The following PIP5K1B variants were observed in gnomAD, a reference collection of about 807,000 sequenced individuals.
PIP5K1B encodes phosphatidylinositol-4-phosphate 5-kinase type 1 beta.
In PIP5K1B, 42 loss-of-function variants were observed where a neutral mutation model predicts 67.0. The observed-to-expected ratio is 0.63, with a 90% confidence interval of 0.49 to 0.81. The LOEUF (loss-of-function observed/expected upper bound fraction) is 0.81, where lower values mean the gene tolerates loss of function less well. PIP5K1B is among the 30% of genes least tolerant of loss of function. The pLI is 0.00. For synonymous variants in PIP5K1B, 214 were observed against 231.4 expected (o/e 0.92, Z 0.68); for missense variants, 459 against 646.3 (o/e 0.71, Z 3.14).
chr9:68,892,054 A>G (rs1284749964), intron 7 of PIP5K1B, among the ~76,000 whole-genome samples: 2 of 152,202 alleles, frequency 1.3e-5, no homozygotes. Context: ...CAAGACCAAT[A>G]TGAAGGAAAC....
intron 2 of PIP5K1B, among the ~76,000 whole-genome samples, chr9:68,809,720 C>T (rs1045478373): frequency 1.3e-5 from 2 of 152,184 alleles, no homozygotes; most frequent in Non-Finnish European, 2.9e-5. Flanking sequence ...TAGCTCTCAA[C>T]CTTATGTCCC....
intron 2 of PIP5K1B, among the ~76,000 whole-genome samples, chr9:68,799,027 G>C (rs1016635041): frequency 5.3e-5 from 8 of 152,230 alleles, no homozygotes; most frequent in Non-Finnish European, 1.5e-5. Context: ...CATTGAATGA[G>C]ATGGGAAAGT....
chr9:68,782,576 G>A (rs148768467), intron 2 of PIP5K1B: 152 of 167,176 alleles, frequency 9.1e-4, no homozygotes, highest in African/African-American at 3.5e-3. Flanking sequence ...TAACAATTTT[G>A]TGGAATTTTT....
chr9:68,746,904 C>A (rs1290168325), intron 2 of PIP5K1B, among the ~76,000 whole-genome samples: 1 of 152,080 alleles, frequency 6.6e-6, no homozygotes, highest in Non-Finnish European at 1.5e-5. Flanking sequence ...GTAGTAGATC[C>A]CCAAAGTTGT....
At chr9:68,769,107 A>T (rs1008908908) in intron 2 of PIP5K1B, among the ~76,000 whole-genome samples, 1 of 152,218 alleles carries the variant, frequency 6.6e-6, no homozygotes, top group Non-Finnish European at 1.5e-5. Flanking sequence ...ATTATTTTTT[A>T]AATTGAAAAA....
chr9:68,916,521 T>G (rs1363303382), intron 8 of PIP5K1B, among the ~76,000 whole-genome samples: 2 of 152,088 alleles, frequency 1.3e-5, no homozygotes, highest in Non-Finnish European at 2.9e-5. Context: ...GTACTATGCT[T>G]TGTTGAGATT....
In PIP5K1B at chr9:68,889,067, T is replaced by C; in HGVS notation, c.405T>C (p.Phe135=). The part of the protein sequence containing the change: ...SLFFVTSDDE[F]IIKTVQHKEA... ...TTTTTGTGACCAGTGATGATGAATTTATCATCAAAACAGTTCAGCACAAAG... is the reference window on the plus strand; with the variant it reads ...TTTTTGTGACCAGTGATGATGAATTCATCATCAAAACAGTTCAGCACAAAG... Residue 135 remains phenylalanine, a synonymous_variant, in exon 7 of 16, where the codon TTT becomes TTC. Coordinates refer to ENST00000265382, the MANE Select transcript of PIP5K1B (RefSeq NM_003558.4). 6.2e-7 allele frequency: 1 copy of C among 1,611,290 alleles called. No homozygotes were observed. The highest frequency in any genetic ancestry group is 8.5e-7 in the Non-Finnish European group (1 of 1,177,416).
chr9:68,822,518 T>C, intron 3 of PIP5K1B, 97 bp from the exon 4 acceptor site: 1 of 871,724 alleles, frequency 1.1e-6, no homozygotes, highest in East Asian at 2.6e-5. Flanking sequence ...AACAAAAACA[T>C]ACTTAACTAA....
Position 68,949,864 on chromosome 9 carries a change from G to A in PIP5K1B, c.1502+9074G>A, listed in dbSNP as rs1258452796. 3.9e-5 allele frequency among the ~76,000 whole-genome samples: 6 copies of A among 152,202 alleles called. No individual in the cohort carries two copies. The East Asian group carries it at 9.6e-4, about 24-fold the overall frequency. On this transcript the variant is annotated intron_variant, in intron 14 of 15. Coordinates refer to ENST00000265382, the MANE Select transcript of PIP5K1B (RefSeq NM_003558.4). ...CACAGAAACTACTGGCTTGGTCAGAGCTCGGCGTTTGCCTTATTTGAACAC... is the reference window on the plus strand; with the variant it reads ...CACAGAAACTACTGGCTTGGTCAGAACTCGGCGTTTGCCTTATTTGAACAC...
intron 2 of PIP5K1B, among the ~76,000 whole-genome samples, chr9:68,808,675 C>A (rs576858923): frequency 2.8e-4 from 43 of 152,302 alleles, no homozygotes; most frequent in African/African-American, 1.0e-3. Context: ...ACAAGTGGTT[C>A]ATTTGATGCT....
chr9:68,794,697 A>T (rs534724101), intron 2 of PIP5K1B, among the ~76,000 whole-genome samples: 543 of 50,824 alleles, frequency 0.011, 1 homozygote, highest in Non-Finnish European at 0.017. Context: ...GCTGTAAATT[A>T]AAAAAAAAAA....
chr9:69,007,328 C>A (rs903105270), intron 15 of PIP5K1B, among the ~76,000 whole-genome samples: 1 of 152,150 alleles, frequency 6.6e-6, no homozygotes. Flanking sequence ...GTCTCTGTGA[C>A]CCCCAGCTCC....
chr9:68,727,302 T>C (rs1403232656), intron 1 of PIP5K1B, among the ~76,000 whole-genome samples: 2 of 152,222 alleles, frequency 1.3e-5, no homozygotes, highest in African/African-American at 4.8e-5. Flanking sequence ...GTGGCAGGGA[T>C]AGGAAAAGCA....
intron 14 of PIP5K1B, among the ~76,000 whole-genome samples, chr9:68,961,083 G>A (rs1164004511): frequency 2.6e-5 from 4 of 152,048 alleles, no homozygotes; most frequent in Admixed American, 6.5e-5. Context: ...GGTGGCGGGC[G>A]CCTGTAGTCC....
At chr9:68,805,289 G>C (rs893453848) in intron 2 of PIP5K1B, among the ~76,000 whole-genome samples, 1 of 152,126 alleles carries the variant, frequency 6.6e-6, no homozygotes, top group African/African-American at 2.4e-5. Context: ...AGAGATGAGG[G>C]TGAGCATCAC....
chr9:68,842,557 T>C (rs1306992117), intron 4 of PIP5K1B, among the ~76,000 whole-genome samples: 1 of 152,134 alleles, frequency 6.6e-6, no homozygotes, highest in Non-Finnish European at 1.5e-5. Context: ...CACCTATAGA[T>C]AGAAGGGGGA....
intron 12 of PIP5K1B, 134 bp from the exon 13 acceptor site, chr9:68,934,756 A>G: frequency 3.6e-6 from 2 of 549,268 alleles, no homozygotes; most frequent in Non-Finnish European, 2.9e-6. Context: ...TTCCATATAT[A>G]TAAAATAAGC....
chr9:68,918,087 A>ATTTTTTTTTTTTT lies in PIP5K1B; in HGVS notation c.983+331_983+332insTTTTTTTTTTTTT, dbSNP rs200797718. On this transcript the variant is annotated intron_variant, in intron 9 of 15. Transcript: ENST00000265382. ...TTTGAATAAACATGTTTTATTGTTT[A>ATTTTTTTTTTTTT]TTTATTTATTTTTTTTTTTTGAGAC... Among the ~76,000 whole-genome samples, 7 of 133,018 alleles carry ATTTTTTTTTTTTT rather than the reference A, an allele frequency of 5.3e-5. 2 individuals carry two copies. The highest frequency in any genetic ancestry group is 5.3e-5 in the African/African-American group (2 of 38,032). 87.3% of individuals were successfully genotyped at this position (133,018 alleles called of 152,430 possible).
intron 2 of PIP5K1B, among the ~76,000 whole-genome samples, chr9:68,763,649 T>A (rs191831652): frequency 6.6e-6 from 1 of 152,162 alleles, no homozygotes; most frequent in Admixed American, 6.6e-5. Flanking sequence ...AAACTCCGTG[T>A]CATCATTTAG....
Sources: gnomAD v4.1 joint callset for allele counts (sites outside exome capture counted in the v4.1 genomes callset) on GRCh38, gnomAD v4.1.1 for gene constraint, MANE v1.5 for transcripts, NCBI Gene and HGNC (gene_info 2026-07-23, HGNC 2026-07-21) for gene names.